Variants in HOMER2 observed in about 807,000 individuals in gnomAD.
HOMER2 encodes homer protein homolog 2.
Under a neutral mutation model 47.0 loss-of-function variants are expected in HOMER2, and 27 were observed. That is an observed-to-expected ratio of 0.57 (90% CI 0.42 to 0.79). The LOEUF (loss-of-function observed/expected upper bound fraction) is 0.79, where lower values mean the gene tolerates loss of function less well. Among genes scored for constraint, HOMER2 ranks in the 30% least tolerant of loss-of-function variants. The pLI is 0.00. For missense variants in HOMER2, 443 were observed against 435.0 expected, an observed-to-expected ratio of 1.02 and a Z score of -0.16; for synonymous variants, 161 against 163.8, an observed-to-expected ratio of 0.98 and a Z score of 0.13.
chr15:82,842,914 G>A (rs1481677486), exon 2 of HOMER2: 3 of 151,922 alleles, frequency 2.0e-5, no homozygotes, highest in East Asian at 1.9e-4. Flanking sequence ...ATTTTTTTTA[G>A]AGACAGGGTC....
exon 2 of HOMER2, chr15:82,839,444 C>G (rs1339500488): frequency 6.6e-6 from 1 of 152,216 alleles, no homozygotes; most frequent in African/African-American, 2.4e-5. Flanking sequence ...TTAGGGAGAT[C>G]AAGAACTTCC....
intron 3 of HOMER2, among the ~76,000 whole-genome samples, chr15:82,866,035 C>T (rs1056122051): frequency 1.3e-5 from 2 of 152,156 alleles, no homozygotes; most frequent in Non-Finnish European, 2.9e-5. Flanking sequence ...GGCCACCATC[C>T]TCCAGACCCC....
chr15:82,918,201 T>C (rs1041526238), intron 1 of HOMER2, among the ~76,000 whole-genome samples: 1 of 152,122 alleles, frequency 6.6e-6, no homozygotes, highest in African/African-American at 2.4e-5. Context: ...CAGAGATATA[T>C]AGACGCCATC....
chr15:82,955,934 G>A (rs1488306468), upstream of HOMER2, among the ~76,000 whole-genome samples: 4 of 152,082 alleles, frequency 2.6e-5, no homozygotes, highest in East Asian at 5.8e-4. Context: ...GCCTGTTGAA[G>A]AGACATTTAA....
At chr15:82,961,916 A>G (rs2054633295) in intron 1 of HOMER2, among the ~76,000 whole-genome samples, 1 of 152,030 alleles carries the variant, frequency 6.6e-6, no homozygotes, top group Non-Finnish European at 1.5e-5. Context: ...GGTGCCTGCC[A>G]CCAAACCTGG....
exon 2 of HOMER2, chr15:82,840,306 G>A (rs940155796): frequency 7.9e-5 from 12 of 152,196 alleles, no homozygotes; most frequent in Admixed American, 7.9e-4. Flanking sequence ...CTCAGAGTTG[G>A]TTATTTGAAA....
In HOMER2 at chr15:82,854,856, G is replaced by A. The variant is rs974919802; in HGVS notation, c.495-56C>T. The A allele has an allele frequency of 2.0e-5, 32 of 1,563,464 alleles. No individual in the cohort carries two copies. The African/African-American group carries it at 3.1e-4, about 15-fold the overall frequency. The stretch of plus-strand genomic sequence containing the variant: ...GGTGGGTGCTGTCCCGTCTGGCTCC[G>A]CCCGCGTGGGGAAGGGGACTCCGCC... On this transcript the variant is annotated intron_variant, in intron 5 of 8. Coordinates refer to ENST00000450735, the MANE Select transcript of HOMER2 (RefSeq NM_004839.4).
intron 1 of HOMER2, among the ~76,000 whole-genome samples, chr15:82,972,322 C>T (rs2030021712): frequency 6.6e-6 from 1 of 152,110 alleles, no homozygotes; most frequent in South Asian, 2.1e-4. Flanking sequence ...AGGTGGGGTG[C>T]CCTTCTGGCT....
chr15:82,880,691 G>A lies in HOMER2; in HGVS notation c.163-5287C>T, dbSNP rs150968373. On this transcript the variant is annotated intron_variant, in intron 2 of 8. Transcript: ENST00000450735. ...GGAAGATTGTGTTAGGGACCGAGGA[G>A]GTGGCTGGACCTGTGGGTTCTGGCG... 1.4e-4 allele frequency among the ~76,000 whole-genome samples: 22 copies of A among 152,312 alleles called. 1 individual carries two copies. Among genetic ancestry groups the A allele is most frequent in the African/African-American group, 5.1e-4 (21 of 41,566 alleles).
chr15:82,859,117 T>G lies in HOMER2; in HGVS notation c.406A>C (p.Thr136Pro). 4 of 1,613,956 alleles carry G rather than the reference T, an allele frequency of 2.5e-6. No homozygotes were observed. Among genetic ancestry groups the G allele is most frequent in the Non-Finnish European group, 3.4e-6 (4 of 1,179,886 alleles). Residue 136 changes from threonine to proline, a missense_variant, in exon 5 of 9, where the codon ACG becomes CCG. By Grantham distance (38) the Thr-to-Pro change is conservative (BLOSUM62 -1). Coordinates refer to ENST00000450735, the MANE Select transcript of HOMER2 (RefSeq NM_004839.4). ...GCGTGAGAGGCCTTTTCATCGTCCG[T>G]CCCGTTGACACTGGATGCCTGAGTA... ...NHSQASSVNGTDDEKASHAGP... is the reference protein window; with the variant it reads ...NHSQASSVNGPDDEKASHAGP...
At chr15:82,880,535 T>C (rs17359494) in intron 2 of HOMER2, among the ~76,000 whole-genome samples, 29,486 of 152,134 alleles carry the variant, frequency 0.19, 3,206 homozygotes, top group Non-Finnish European at 0.23. Flanking sequence ...CATTGAATGG[T>C]ACCTATTAAT....
chr15:82,900,842 G>GC (rs745989857), intron 1 of HOMER2, among the ~76,000 whole-genome samples: 1 of 152,078 alleles, frequency 6.6e-6, no homozygotes, highest in Non-Finnish European at 1.5e-5. Flanking sequence ...TTTTCTTCCT[G>GC]CCCCCAAACT....
intron 1 of HOMER2, chr15:82,925,880 C>T (rs2053842575): frequency 6.6e-6 from 1 of 152,100 alleles, no homozygotes; most frequent in Non-Finnish European, 1.5e-5. Flanking sequence ...AACCACCAAC[C>T]CCCATGATAC....
exon 2 of HOMER2, chr15:82,958,974 C>T (rs1286317780): frequency 6.6e-6 from 1 of 152,406 alleles, no homozygotes; most frequent in Admixed American, 6.5e-5. Context: ...GTCACCCTTA[C>T]CCCTATCAAA....
At chr15:82,946,748 T>C (rs1045979607) in intron 1 of HOMER2, among the ~76,000 whole-genome samples, 4 of 152,216 alleles carry the variant, frequency 2.6e-5, no homozygotes, top group Non-Finnish European at 4.4e-5. Flanking sequence ...CATTCACACC[T>C]ATTTACACAC....
exon 2 of HOMER2, chr15:82,838,431 CAG>C (rs1261340734): frequency 2.0e-5 from 3 of 152,346 alleles, no homozygotes; most frequent in East Asian, 3.9e-4. Context: ...TATTTCCACT[CAG>C]TGGTCTTGAC....
intron 1 of HOMER2, among the ~76,000 whole-genome samples, chr15:82,916,870 C>T (rs974120599): frequency 2.0e-5 from 3 of 151,068 alleles, no homozygotes; most frequent in East Asian, 2.0e-4. Context: ...GGCGCGATCT[C>T]GGGTTACTGC....
intron 1 of HOMER2, among the ~76,000 whole-genome samples, chr15:82,935,409 T>A (rs747492258): frequency 6.6e-6 from 1 of 152,080 alleles, no homozygotes; most frequent in Non-Finnish European, 1.5e-5. Flanking sequence ...TCCTCCTCTA[T>A]GGCCACCTAA....
intron 1 of HOMER2, among the ~76,000 whole-genome samples, chr15:82,962,567 C>T (rs533026605): frequency 6.6e-6 from 1 of 151,994 alleles, no homozygotes; most frequent in African/African-American, 2.4e-5. Flanking sequence ...ATCCCAGCTA[C>T]TCAGGAGGCT....
Sources: gnomAD v4.1 joint callset for allele counts (sites outside exome capture counted in the v4.1 genomes callset) on GRCh38, gnomAD v4.1.1 for gene constraint, MANE v1.5 for transcripts, NCBI Gene and HGNC (gene_info 2026-07-23, HGNC 2026-07-21) for gene names.